Variants in GOLGA8M observed in about 807,000 individuals in gnomAD.
The protein encoded by GOLGA8M is golgin subfamily A member 8M.
In GOLGA8M, 34 loss-of-function variants were observed where a neutral mutation model predicts 87.7. The observed-to-expected ratio is 0.39, with a 90% confidence interval of 0.29 to 0.52. The LOEUF is 0.52. Ranked by LOEUF, GOLGA8M falls within the 20% of genes least tolerant of loss-of-function variation. The pLI is 0.80. For missense variants in GOLGA8M, 396 were observed against 682.2 expected, an observed-to-expected ratio of 0.58 and a Z score of 4.67; for synonymous variants, 138 against 250.2, an observed-to-expected ratio of 0.55 and a Z score of 4.23.
In GOLGA8M at chr15:28,707,761, T is replaced by G. The variant is rs2080079179; in HGVS notation, c.578A>C (p.Lys193Thr). 1 of 1,548,888 alleles carries G rather than the reference T, an allele frequency of 6.5e-7. No individual in the cohort carries two copies. The highest frequency in any genetic ancestry group is 1.4e-5 in the African/African-American group (1 of 73,350). Residue 193 changes from lysine to threonine, a missense_variant, in exon 8 of 19, where the codon AAG (lysine) becomes ACG (threonine). Coordinates refer to ENST00000563027, the MANE Select transcript of GOLGA8M (RefSeq NM_001282468.3). ...VLSDVMATQK[K>T]KANQLSSPSK... ...GGTTGGACTCACCTGGTTTGCCTTCTTCTTCTGTGTGGCCATGACATCAGA... is the reference window on the plus strand; with the variant it reads ...GGTTGGACTCACCTGGTTTGCCTTCGTCTTCTGTGTGGCCATGACATCAGA...
At chr15:28,703,999 C>G in intron 13 of GOLGA8M, 82 bp from the exon 14 acceptor site, 2 of 1,575,928 alleles carry the variant, frequency 1.3e-6, no homozygotes, top group Non-Finnish European at 1.7e-6. Context: ...AGCTCCCTCC[C>G]CTGGGTCTCC....
intron 1 of GOLGA8M, chr15:28,711,638 G>A (rs1331818247): frequency 1.0e-6 from 1 of 984,986 alleles, no homozygotes. Context: ...GAAACGAGGT[G>A]AGAACGCTTA....
rs957583073 is a variant in GOLGA8M, at chr15:28,700,649, T to C, written c.*1305A>G. Among the ~76,000 whole-genome samples the C allele has an allele frequency of 2.3e-4, 35 of 149,968 alleles. No individual in the cohort carries two copies. Among genetic ancestry groups the C allele is most frequent in the African/African-American group, 8.3e-4 (34 of 40,752 alleles). On this transcript the variant is annotated 3_prime_UTR_variant, in exon 19 of 19. Coordinates refer to ENST00000563027, the MANE Select transcript of GOLGA8M (RefSeq NM_001282468.3). ...AATACCGTCTACTAAAACTCCTTTTTGTTTCAACTAAGTATCTCACATATA... is the reference window on the plus strand; with the variant it reads ...AATACCGTCTACTAAAACTCCTTTTCGTTTCAACTAAGTATCTCACATATA...
chr15:28,707,308 A>T (rs2080062608), intron 8 of GOLGA8M, among the ~76,000 whole-genome samples: 1 of 137,036 alleles, frequency 7.3e-6, no homozygotes, highest in Non-Finnish European at 1.5e-5. Context: ...CTCTCTCCTG[A>T]ATTTTTTATG....
chr15:28,699,320 C>T lies in GOLGA8M; in HGVS notation c.*2634G>A, dbSNP rs2079746826. Among the ~76,000 whole-genome samples, 1 of 148,976 alleles carries T rather than the reference C, an allele frequency of 6.7e-6. No homozygotes were observed. Among genetic ancestry groups the T allele is most frequent in the South Asian group, 2.1e-4 (1 of 4,702 alleles). On this transcript the variant is annotated 3_prime_UTR_variant, in exon 19 of 19. Transcript: ENST00000563027. ...ACTCACAGTTTAAAATTCTGTGTTT[C>T]TGATGAACTCTAACATTCCAATGTT... is the stretch of plus-strand genomic sequence containing the variant.
intron 12 of GOLGA8M, 30 bp downstream of exon 12, chr15:28,705,453 A>G: frequency 6.5e-7 from 1 of 1,542,354 alleles, no homozygotes; most frequent in Non-Finnish European, 8.7e-7. Flanking sequence ...GCTAGGGAGG[A>G]GGGCAAGCTC....
At position 28,702,314 on chromosome 15, in the gene GOLGA8M, A is replaced by G. The variant is rs1041111403; in HGVS notation, c.1623T>C (p.Asn541=). 4.6e-6 allele frequency: 7 copies of G among 1,531,398 alleles called. No individual in the cohort carries two copies. The African/African-American group carries it at 1.0e-4, about 22-fold the overall frequency. The allele number at this position is 1,531,398 out of a possible 1,614,324, so 94.9% of individuals were successfully genotyped here. A position where few individuals can be genotyped will look rare whatever the true frequency, so the allele number is the denominator to read the frequency against. ...DGIAAYSNYN[N]GHRKFLAAAH... Reference sequence around the variant, plus strand: ...CAGCGGCCAGGAATTTTCTGTGCCCATTGTTGTAGTTGCTGTAAGCCGCAA... The same window carrying G: ...CAGCGGCCAGGAATTTTCTGTGCCCGTTGTTGTAGTTGCTGTAAGCCGCAA... Residue 541 remains asparagine, a synonymous_variant, in exon 18 of 19, where the codon AAT becomes AAC. Coordinates refer to ENST00000563027, the MANE Select transcript of GOLGA8M (RefSeq NM_001282468.3).
At chr15:28,712,432 A>C (rs529647236), upstream of GOLGA8M, 403 of 1,597,414 alleles carry the variant, frequency 2.5e-4, 4 homozygotes, top group African/African-American at 4.4e-3. Context: ...GAGCCAGAGG[A>C]GGCGTAACCA....
At chr15:28,707,924 G>A (rs1464806490) in intron 7 of GOLGA8M, 29 bp downstream of exon 7, 4 of 1,580,102 alleles carry the variant, frequency 2.5e-6, no homozygotes, top group Non-Finnish European at 8.5e-7. Flanking sequence ...GTGCCAGGTT[G>A]AAGGATGACA....
chr15:28,703,158 C>T (rs187005727), intron 15 of GOLGA8M, among the ~76,000 whole-genome samples, 161 bp downstream of exon 15: 3 of 130,804 alleles, frequency 2.3e-5, no homozygotes, highest in South Asian at 4.9e-4. Flanking sequence ...CCCCCAGAGA[C>T]TGCACATGTT....
At chr15:28,707,662 C>A in intron 8 of GOLGA8M, 86 bp downstream of exon 8, 2 of 1,242,314 alleles carry the variant, frequency 1.6e-6, no homozygotes, top group South Asian at 2.6e-5. Context: ...GGGCAGGACA[C>A]GCCATCCTGC....
At position 28,702,703 on chromosome 15, in the gene GOLGA8M, C is replaced by G. The variant is rs764356189; in HGVS notation, c.1411G>C (p.Glu471Gln). 4.4e-6 allele frequency: 7 copies of G among 1,603,080 alleles called. 1 individual carries two copies. The highest frequency in any genetic ancestry group is 1.7e-4 in the Middle Eastern group (1 of 5,720). Residue 471 changes from glutamate (E) to glutamine (Q), a missense_variant, in exon 16 of 19, where the codon GAG becomes CAG. This residue lies in a region of GOLGA8M where 173 missense variants were observed against 150.2 expected (regional missense o/e 1.15). Transcript: ENST00000563027. The part of the protein sequence containing the change: ...DHLEEKADLS[E>Q]LVKKQELRFI... ...CGAAGTTCTTGTTTCTTCACAAGCT[C>G]ACTCAGGTCTGCCTTCTCCTCCAGG...
At chr15:28,704,231 G>A (rs1377507189) in intron 13 of GOLGA8M, among the ~76,000 whole-genome samples, 1 of 148,838 alleles carries the variant, frequency 6.7e-6, no homozygotes, top group Non-Finnish European at 1.5e-5. Context: ...GAGCCTCTTG[G>A]CTCTTCAGCT....
upstream of GOLGA8M, among the ~76,000 whole-genome samples, chr15:28,712,859 C>T (rs1471539034): frequency 6.6e-6 from 1 of 152,056 alleles, no homozygotes; most frequent in Non-Finnish European, 1.5e-5. Flanking sequence ...AGATACAGAT[C>T]CTATAAAAAT....
chr15:28,707,322 C>A (rs558519890), intron 8 of GOLGA8M, among the ~76,000 whole-genome samples: 9 of 137,220 alleles, frequency 6.6e-5, no homozygotes, highest in Non-Finnish European at 4.5e-5. Context: ...TTTTATGAAC[C>A]CTTGCAGACA....
At chr15:28,711,233 C>T (rs1230809717) in intron 1 of GOLGA8M, among the ~76,000 whole-genome samples, 3 of 151,912 alleles carry the variant, frequency 2.0e-5, no homozygotes, top group African/African-American at 4.8e-5. Flanking sequence ...CTCAAAGTAC[C>T]CAAAGTTGAG....
At chr15:28,704,556 A>C (rs2079946838) in intron 13 of GOLGA8M, among the ~76,000 whole-genome samples, 1 of 150,324 alleles carries the variant, frequency 6.7e-6, no homozygotes, top group African/African-American at 2.4e-5. Flanking sequence ...CCGAGGCTGG[A>C]ATCCAGTTTT....
chr15:28,706,977 T>C (rs1407649969), intron 8 of GOLGA8M, among the ~76,000 whole-genome samples: 2 of 143,610 alleles, frequency 1.4e-5, no homozygotes, highest in Admixed American at 7.6e-5. Context: ...CTTTGTGGAA[T>C]GCTTCACCAG....
Position 28,702,043 on chromosome 15 carries a change from C to T in GOLGA8M, c.1810G>A (p.Val604Met), listed in dbSNP as rs201780686. 2,023 of 1,591,734 alleles carry T rather than the reference C, an allele frequency of 1.3e-3. 5 individuals are homozygous for T. Among genetic ancestry groups the T allele is most frequent in the Admixed American group, 3.3e-3 (198 of 59,780 alleles). ...CCTGGGTGCTCCTGGTGGTCCTGCACGATCGGCTGTGCAGTAGGCTTGTCA... is the reference window on the plus strand; with the variant it reads ...CCTGGGTGCTCCTGGTGGTCCTGCATGATCGGCTGTGCAGTAGGCTTGTCA... ...LLDKPTAQPI[V>M]QDHQEHPGLG... The change falls in exon 19 of 19, where the codon GTG (valine) becomes ATG (methionine). Residue 604 changes from valine to methionine, a missense_variant. Val to Met is a conservative substitution (Grantham distance 21, BLOSUM62 1). Around this residue, in one of 12 missense-constraint regions of GOLGA8M, gnomAD observed 35 missense variants for 61.4 expected, o/e 0.57. Coordinates refer to ENST00000563027, the MANE Select transcript of GOLGA8M (RefSeq NM_001282468.3).
Sources: allele counts gnomAD v4.1 joint callset (sites outside exome capture counted in the v4.1 genomes callset), GRCh38; gene constraint gnomAD v4.1.1; regional missense constraint gnomAD v4.1.1; transcripts MANE v1.5; gene names NCBI Gene and HGNC (gene_info 2026-07-23, HGNC 2026-07-21).